Variants in PATL2 observed in about 807,000 individuals in gnomAD.
PATL2 encodes protein PAT1 homolog 2.
Under a neutral mutation model 77.0 loss-of-function variants are expected in PATL2, and 73 were observed. The ratio of observed to expected loss-of-function variants is 0.95; its 90% CI spans 0.78 to 1.15. The LOEUF is 1.15. Among genes scored for constraint, PATL2 ranks in the 50% most tolerant of loss-of-function variants. The pLI, the probability that PATL2 is intolerant of heterozygous loss-of-function variation, is 0.00. For synonymous variants in PATL2, 265 were observed against 257.1 expected (o/e 1.03, Z -0.29); for missense variants, 618 against 655.4 (o/e 0.94, Z 0.62).
chr15:44,703,336 T>C (rs941825210), intron 3 of PATL2, among the ~76,000 whole-genome samples: 1 of 152,118 alleles, frequency 6.6e-6, no homozygotes, highest in African/African-American at 2.4e-5. Flanking sequence ...CTGATGTTTC[T>C]TTGTTGATTT....
At chr15:44,679,690 C>T (rs1453081651) in intron 3 of PATL2, among the ~76,000 whole-genome samples, 1 of 151,870 alleles carries the variant, frequency 6.6e-6, no homozygotes, top group Non-Finnish European at 1.5e-5. Flanking sequence ...CTGCGTCCGG[C>T]CCTTTGTCTC....
chr15:44,686,862 T>C (rs1221010606), intron 3 of PATL2, among the ~76,000 whole-genome samples: 2 of 151,480 alleles, frequency 1.3e-5, no homozygotes, highest in South Asian at 2.1e-4. Context: ...CAGGAAGAAG[T>C]TGAATCCCTG....
intron 3 of PATL2, among the ~76,000 whole-genome samples, chr15:44,680,575 T>C (rs1002701689): frequency 6.6e-6 from 1 of 152,206 alleles, no homozygotes; most frequent in Admixed American, 6.5e-5. Flanking sequence ...CACTTTTCTC[T>C]GTGTCTTGAG....
At chr15:44,707,175 A>G (rs1360767266) in intron 3 of PATL2, among the ~76,000 whole-genome samples, 1 of 152,012 alleles carries the variant, frequency 6.6e-6, no homozygotes, top group Non-Finnish European at 1.5e-5. Context: ...GGCCCAGAGC[A>G]GGTCCAGGAA....
intron 3 of PATL2, among the ~76,000 whole-genome samples, chr15:44,692,826 C>T (rs1029372485): frequency 6.6e-6 from 1 of 152,238 alleles, no homozygotes; most frequent in Admixed American, 6.5e-5. Flanking sequence ...CCATTTGGAG[C>T]GTGACATCTG....
intron 3 of PATL2, among the ~76,000 whole-genome samples, chr15:44,695,440 C>T (rs982672680): frequency 6.6e-6 from 1 of 152,074 alleles, no homozygotes; most frequent in Non-Finnish European, 1.5e-5. Context: ...GACAAGATGG[C>T]GCTGGCCAAG....
intron 3 of PATL2, chr15:44,676,856 C>T (rs779366037): frequency 4.2e-5 from 46 of 1,102,838 alleles, no homozygotes; most frequent in Middle Eastern, 4.2e-4. Context: ...GCCTTGCTGC[C>T]GACACCCACC....
intron 3 of PATL2, among the ~76,000 whole-genome samples, chr15:44,691,768 C>T (rs2086398042): frequency 6.6e-6 from 1 of 151,866 alleles, no homozygotes; most frequent in South Asian, 2.1e-4. Context: ...AAAAGGCCAG[C>T]CTAGGCAACA....
intron 3 of PATL2, among the ~76,000 whole-genome samples, chr15:44,708,941 C>A (rs919528853): frequency 6.6e-6 from 1 of 152,132 alleles, no homozygotes; most frequent in African/African-American, 2.4e-5. Context: ...CTCTGTTGCC[C>A]AGGCTGGAGT....
intron 15 of PATL2, 87 bp from the exon 16 acceptor site, chr15:44,667,290 G>C: frequency 1.0e-6 from 1 of 963,162 alleles, no homozygotes; most frequent in Non-Finnish European, 1.6e-6. Flanking sequence ...CCCAACTAAA[G>C]GACAGGTTCA....
chr15:44,698,861 C>G (rs1429964896), intron 3 of PATL2, among the ~76,000 whole-genome samples: 1 of 152,210 alleles, frequency 6.6e-6, no homozygotes, highest in Non-Finnish European at 1.5e-5. Context: ...TTCCCACCAA[C>G]AGTGTATGAA....
intron 3 of PATL2, among the ~76,000 whole-genome samples, chr15:44,683,408 G>A (rs898772302): frequency 7.9e-5 from 12 of 152,142 alleles, no homozygotes; most frequent in Non-Finnish European, 1.6e-4. Context: ...GTGGGGGGAG[G>A]GGCGTTTGCC....
chr15:44,707,413 T>C (rs1394636050), intron 3 of PATL2, among the ~76,000 whole-genome samples: 1 of 152,106 alleles, frequency 6.6e-6, no homozygotes, highest in Non-Finnish European at 1.5e-5. Context: ...CTTCTGATTA[T>C]TCAGGGCCAA....
At chr15:44,699,974 C>T (rs1036668868) in intron 3 of PATL2, among the ~76,000 whole-genome samples, 1 of 152,042 alleles carries the variant, frequency 6.6e-6, no homozygotes, top group African/African-American at 2.4e-5. Context: ...ATAGTTTTGG[C>T]TGTTCTGGGC....
At chr15:44,682,053 T>C in intron 3 of PATL2, among the ~76,000 whole-genome samples, 1 of 152,244 alleles carries the variant, frequency 6.6e-6, no homozygotes, top group East Asian at 1.9e-4. Context: ...ATTCTGTTGT[T>C]GATTAAGGCA....
At chr15:44,694,707 T>A (rs927781143) in intron 3 of PATL2, among the ~76,000 whole-genome samples, 6 of 152,154 alleles carry the variant, frequency 3.9e-5, no homozygotes, top group African/African-American at 1.4e-4. Flanking sequence ...CCCTGCTTAT[T>A]CCTATGAATC....
intron 5 of PATL2, 34 bp from the exon 6 acceptor site, chr15:44,674,264 TG>T (rs1382981183): frequency 6.8e-7 from 1 of 1,460,828 alleles, no homozygotes; most frequent in South Asian, 1.2e-5. Context: ...CAGGCTCAAA[TG>T]GGCCCCTGTA....
chr15:44,678,741 T>A (rs1338202357), intron 3 of PATL2, among the ~76,000 whole-genome samples: 1 of 151,856 alleles, frequency 6.6e-6, no homozygotes, highest in Non-Finnish European at 1.5e-5. Flanking sequence ...AGCCCATGAG[T>A]TCAAGACAAG....
Position 44,675,475 on chromosome 15 carries a change from T to G in PATL2, c.222+11A>C. Reference sequence around the variant, plus strand: ...AGGACAACCCTCTCCCATTCCCTTCTGCCATGGTACCTGGGTGTTGTGGAC... The same window carrying G: ...AGGACAACCCTCTCCCATTCCCTTCGGCCATGGTACCTGGGTGTTGTGGAC... On this transcript the variant is annotated intron_variant, in intron 5 of 17. Coordinates refer to ENST00000682850, the MANE Select transcript of PATL2 (RefSeq NM_001387263.1). 1.3e-6 allele frequency: 2 copies of G among 1,549,632 alleles called. No individual in the cohort carries two copies.
Sources: gnomAD v4.1 joint callset for allele counts (sites outside exome capture counted in the v4.1 genomes callset) on GRCh38, gnomAD v4.1.1 for gene constraint, MANE v1.5 for transcripts, NCBI Gene and HGNC (gene_info 2026-07-23, HGNC 2026-07-21) for gene names.